ZMYM2: variants seen among roughly 807,000 people sequenced by gnomAD.
The protein encoded by ZMYM2 is zinc finger MYM-type protein 2.
A neutral mutation model predicts 162.8 loss-of-function variants in ZMYM2; 56 were observed. The observed-to-expected ratio is 0.34, with a 90% confidence interval of 0.28 to 0.43. The LOEUF (loss-of-function observed/expected upper bound fraction) is 0.43, where lower values mean the gene tolerates loss of function less well. ZMYM2 is among the 20% of genes least tolerant of loss of function. The pLI is 1.00. For missense variants in ZMYM2, 1,275 were observed against 1,621.8 expected (o/e 0.79, Z 3.67); for synonymous variants, 510 against 541.6 (o/e 0.94, Z 0.81).
chr13:19,907,529 A>G, the ZMYM2 span, among the ~76,000 whole-genome samples: 122,246 of 151,972 alleles, frequency 0.8, 50,249 homozygotes, highest in East Asian at 0.96. Context: ...GGAGGCCAAG[A>G]TAGGCAGATC....
intron 2 of ZMYM2, among the ~76,000 whole-genome samples, chr13:19,983,683 C>G (rs1351167973): frequency 3.3e-5 from 5 of 151,916 alleles, no homozygotes; most frequent in African/African-American, 1.2e-4. Flanking sequence ...GGCTAGTTTG[C>G]AGTGGTGCAA....
chr13:19,937,503 G>A, the ZMYM2 span, among the ~76,000 whole-genome samples: 1 of 140,610 alleles, frequency 7.1e-6, no homozygotes, highest in Non-Finnish European at 1.5e-5. Flanking sequence ...TCGTTATGTC[G>A]CTCAAGCTTG....
chr13:19,947,591 T>C, the ZMYM2 span, among the ~76,000 whole-genome samples: 14 of 152,004 alleles, frequency 9.2e-5, no homozygotes, highest in Non-Finnish European at 1.9e-4. Context: ...CGCGGGTAGC[T>C]GGGATTACAG....
At chr13:20,020,819 G>C (rs192293711) in intron 7 of ZMYM2, among the ~76,000 whole-genome samples, 6 of 151,966 alleles carry the variant, frequency 3.9e-5, no homozygotes. Flanking sequence ...ATACCATGCA[G>C]CATATTTTTT....
intron 13 of ZMYM2, among the ~76,000 whole-genome samples, chr13:20,051,884 C>A (rs909437399): frequency 2.0e-5 from 3 of 152,078 alleles, no homozygotes; most frequent in African/African-American, 7.2e-5. Flanking sequence ...GAATAGACAT[C>A]TAACTATCGT....
At chr13:19,986,355 AAAAAACAAAC>A (rs1374577751) in intron 2 of ZMYM2, among the ~76,000 whole-genome samples, 33 of 151,008 alleles carry the variant, frequency 2.2e-4, no homozygotes, top group Non-Finnish European at 2.2e-4. Context: ...GCCATCTCAG[AAAAAACAAAC>A]AAAAACAAAA....
intron 6 of ZMYM2, among the ~76,000 whole-genome samples, chr13:20,016,228 C>T (rs1951615899): frequency 6.6e-6 from 1 of 151,946 alleles, no homozygotes; most frequent in African/African-American, 2.4e-5. Flanking sequence ...TCCTATAATT[C>T]AATCTAATGT....
intron 21 of ZMYM2, among the ~76,000 whole-genome samples, chr13:20,075,856 G>T (rs1167543223): frequency 1.3e-5 from 2 of 150,782 alleles, no homozygotes; most frequent in African/African-American, 2.4e-5. Context: ...GGCTAGTTGG[G>T]TTTTTTTTCC....
At chr13:19,923,504 A>G in the ZMYM2 span, among the ~76,000 whole-genome samples, 54,751 of 147,798 alleles carry the variant, frequency 0.37, 10,298 homozygotes, top group Admixed American at 0.42. Flanking sequence ...ATATATCTAT[A>G]TCTATTTGTA....
At chr13:19,985,928 T>G (rs1949095823) in intron 2 of ZMYM2, among the ~76,000 whole-genome samples, 1 of 149,672 alleles carries the variant, frequency 6.7e-6, no homozygotes, top group African/African-American at 2.5e-5. Context: ...CGTGCGCCTA[T>G]AAATCCCAGC....
chr13:20,072,326 G>T (rs532210272), intron 21 of ZMYM2, among the ~76,000 whole-genome samples: 1 of 152,156 alleles, frequency 6.6e-6, no homozygotes, highest in Non-Finnish European at 1.5e-5. Context: ...TTCTAGACCA[G>T]CCTGGCCGAC....
intron 2 of ZMYM2, among the ~76,000 whole-genome samples, chr13:19,969,208 T>C (rs1035354055): frequency 6.6e-6 from 1 of 152,244 alleles, no homozygotes; most frequent in African/African-American, 2.4e-5. Context: ...TTCATCGCAG[T>C]CTGACATCCT....
the ZMYM2 span, among the ~76,000 whole-genome samples, chr13:19,913,153 A>G: frequency 1.3e-5 from 2 of 152,126 alleles, no homozygotes; most frequent in South Asian, 2.1e-4. Flanking sequence ...GCGGGCCCCT[A>G]TAGGTGAATC....
the ZMYM2 span, among the ~76,000 whole-genome samples, chr13:19,893,758 A>T: frequency 2.4e-4 from 36 of 150,160 alleles, 1 homozygote; most frequent in South Asian, 7.4e-3. Context: ...AATAAGTAAA[A>T]AATAAATAAA....
At chr13:19,953,682 CAAAAAAAAAA>C (rs35266783), upstream of ZMYM2, among the ~76,000 whole-genome samples, 1 of 75,282 alleles carries the variant, frequency 1.3e-5, no homozygotes, top group South Asian at 5.7e-4. Context: ...GACTCTGTCT[CAAAAAAAAAA>C]AAAAAAAAAA....
chr13:19,968,785 GAAACA>G (rs1166119666), intron 2 of ZMYM2, among the ~76,000 whole-genome samples: 1 of 152,062 alleles, frequency 6.6e-6, no homozygotes, highest in Non-Finnish European at 1.5e-5. Flanking sequence ...GTTGGCATGT[GAAACA>G]AAATAAAAAT....
At chr13:20,070,678 T>G (rs895454471) in intron 21 of ZMYM2, 2 of 152,204 alleles carry the variant, frequency 1.3e-5, no homozygotes, top group African/African-American at 4.8e-5. Flanking sequence ...GCCCGGCTAA[T>G]TTTTTATATT....
At chr13:19,897,323 C>G in the ZMYM2 span, among the ~76,000 whole-genome samples, 1 of 151,826 alleles carries the variant, frequency 6.6e-6, no homozygotes, top group African/African-American at 2.4e-5. Context: ...TAATTTACAC[C>G]CACTTCTAAA....
rs1958419348 is a variant in ZMYM2, at chr13:20,089,012, T to A, written c.*2998T>A. On this transcript the variant is annotated 3_prime_UTR_variant, in exon 25 of 25. Transcript: ENST00000610343. ...GTATTGTTATACATGTCACTTATGT[T>A]TTTAAGCTAATATTGACTGTAGGAT... is the stretch of plus-strand genomic sequence containing the variant. The A allele has an allele frequency of 5.0e-6, 1 of 198,170 alleles. No homozygotes were observed. The highest frequency in any genetic ancestry group is 1.9e-4 in the South Asian group (1 of 5,238). The allele number at this position is 198,170 out of a possible 1,614,324, so 12.3% of individuals were successfully genotyped here.
Sources: allele counts gnomAD v4.1 joint callset (sites outside exome capture counted in the v4.1 genomes callset), GRCh38; gene constraint gnomAD v4.1.1; transcripts MANE v1.5; gene names NCBI Gene and HGNC (gene_info 2026-07-23, HGNC 2026-07-21).